The following NR1H4 variants were observed in gnomAD, a reference collection of about 807,000 sequenced individuals.
NR1H4 encodes nuclear receptor subfamily 1 group H member 4.
In NR1H4, 23 loss-of-function variants were observed where a neutral mutation model predicts 58.5. That is an observed-to-expected ratio of 0.39 (90% CI 0.28 to 0.56). The LOEUF is 0.56. Among genes scored for constraint, NR1H4 ranks in the 20% least tolerant of loss-of-function variants. NR1H4 has a pLI of 0.58. For missense variants in NR1H4, 487 were observed against 576.9 expected (o/e 0.84, Z 1.60); for synonymous variants, 214 against 198.0 (o/e 1.08, Z -0.68).
chr12:100,510,918 C>A lies in NR1H4; in HGVS notation c.220C>A (p.Pro74Thr), dbSNP rs1235836559. The A allele has an allele frequency of 3.1e-6, 5 of 1,614,046 alleles. No individual in the cohort carries two copies. The highest frequency in any genetic ancestry group is 4.2e-6 in the Non-Finnish European group (5 of 1,180,044). Residue 74 changes from proline to threonine, a missense_variant, in exon 4 of 11, where the codon CCC becomes ACC. Pro to Thr is a conservative substitution (Grantham distance 38, BLOSUM62 -1). Coordinates refer to ENST00000392986, the MANE Select transcript of NR1H4 (RefSeq NM_001206979.2). Reference protein sequence around the residue: ...SSYYSNLGFYPQQPEEWYSPG... With the variant: ...SSYYSNLGFYTQQPEEWYSPG... Reference sequence around the variant, plus strand: ...CTATTATTCCAACCTGGGTTTCTACCCCCAGCAGCCTGAAGAGTGGTACTC... The same window carrying A: ...CTATTATTCCAACCTGGGTTTCTACACCCAGCAGCCTGAAGAGTGGTACTC...
chr12:100,509,964 T>G (rs1014503586), intron 3 of NR1H4, among the ~76,000 whole-genome samples: 1 of 152,194 alleles, frequency 6.6e-6, no homozygotes, highest in Non-Finnish European at 1.5e-5. Context: ...AATACCGATG[T>G]GAATATACAC....
chr12:100,522,927 A>G (rs1307400127), intron 4 of NR1H4, among the ~76,000 whole-genome samples: 2 of 152,178 alleles, frequency 1.3e-5, no homozygotes, highest in African/African-American at 4.8e-5. Flanking sequence ...TGGTGTATAT[A>G]TACCACAGTT....
At chr12:100,486,587 C>T (rs1042502299) in intron 1 of NR1H4, among the ~76,000 whole-genome samples, 2 of 152,284 alleles carry the variant, frequency 1.3e-5, no homozygotes, top group African/African-American at 4.8e-5. Flanking sequence ...CCGTCTCAAA[C>T]TCCCAAAGAA....
In NR1H4 at chr12:100,534,948, T is replaced by C. The variant is rs1954780659; in HGVS notation, c.657T>C (p.His219=). 1 of 1,614,224 alleles carries C rather than the reference T, an allele frequency of 6.2e-7. No individual in the cohort carries two copies. Among genetic ancestry groups the C allele is most frequent in the Non-Finnish European group, 8.5e-7 (1 of 1,180,040 alleles). ...SKRLRKNVKQ[H]ADQTVNEDSE... ...GACTGAGAAAAAATGTGAAGCAGCA[T>C]GCAGATCAGACCGTGAATGAAGACA... The change falls in exon 6 of 11, where the codon CAT becomes CAC. Residue 219 remains histidine (H), a synonymous_variant. Coordinates refer to ENST00000392986, the MANE Select transcript of NR1H4 (RefSeq NM_001206979.2).
At chr12:100,545,311 A>G (rs541587713) in intron 9 of NR1H4, among the ~76,000 whole-genome samples, 38 of 152,110 alleles carry the variant, frequency 2.5e-4, no homozygotes, top group Middle Eastern at 6.8e-3. Flanking sequence ...AAAAAAGTTT[A>G]CAAGGCTACT....
intron 3 of NR1H4, among the ~76,000 whole-genome samples, chr12:100,494,232 T>C (rs541097681): frequency 2.0e-5 from 3 of 152,324 alleles, no homozygotes; most frequent in Non-Finnish European, 2.9e-5. Flanking sequence ...TGGTTGCTGA[T>C]ATTCCTAGGA....
At chr12:100,526,204 T>TTG in intron 4 of NR1H4, among the ~76,000 whole-genome samples, 1 of 151,832 alleles carries the variant, frequency 6.6e-6, no homozygotes. Context: ...TTTTTTTTTT[T>TTG]TGCTTATTTT....
chr12:100,532,378 G>A, intron 4 of NR1H4, 80 bp from the exon 5 acceptor site: 1 of 1,417,300 alleles, frequency 7.1e-7, no homozygotes, highest in East Asian at 2.3e-5. Context: ...AAAATGTCCT[G>A]GCATCTCTCA....
At chr12:100,515,297 G>A (rs752008175) in intron 4 of NR1H4, among the ~76,000 whole-genome samples, 16 of 148,840 alleles carry the variant, frequency 1.1e-4, no homozygotes, top group Non-Finnish European at 1.9e-4. Context: ...CAGCCTCCCC[G>A]AGTAGCTGGG....
Position 100,492,610 on chromosome 12 carries a change from T to A in NR1H4, c.-82T>A, listed in dbSNP as rs1233444637. The A allele has an allele frequency of 1.3e-5, 2 of 152,240 alleles. No homozygotes were observed. Among genetic ancestry groups the A allele is most frequent in the Non-Finnish European group, 2.9e-5 (2 of 68,056 alleles). The allele number at this position is 152,240 out of a possible 1,614,324, so 9.4% of individuals were successfully genotyped here. On this transcript the variant is annotated 5_prime_UTR_variant, in exon 2 of 11. Coordinates refer to ENST00000392986, the MANE Select transcript of NR1H4 (RefSeq NM_001206979.2). The stretch of plus-strand genomic sequence containing the variant: ...GTTTCCTGGATTTCTTCTGGACATT[T>A]CCTCAAGATGAAACTTCAGACACTT...
chr12:100,530,777 C>A (rs1482768187), intron 4 of NR1H4, among the ~76,000 whole-genome samples: 1 of 152,132 alleles, frequency 6.6e-6, no homozygotes, highest in Non-Finnish European at 1.5e-5. Flanking sequence ...AAAATGGTGT[C>A]CCCTCATGCC....
intron 4 of NR1H4, among the ~76,000 whole-genome samples, chr12:100,529,066 C>T (rs1200665183): frequency 1.3e-5 from 2 of 152,210 alleles, no homozygotes; most frequent in Non-Finnish European, 2.9e-5. Context: ...TCAATATCAA[C>T]ACTGATCTGC....
intron 9 of NR1H4, among the ~76,000 whole-genome samples, chr12:100,543,474 G>C (rs909523555): frequency 4.6e-5 from 7 of 151,992 alleles, no homozygotes; most frequent in Non-Finnish European, 7.4e-5. Context: ...AGAAGAGAAA[G>C]GATCTGGGAG....
intron 1 of NR1H4, among the ~76,000 whole-genome samples, chr12:100,480,358 G>A (rs181589088): frequency 4.9e-4 from 74 of 152,298 alleles, no homozygotes; most frequent in African/African-American, 1.7e-3. Context: ...TTGAGATGCC[G>A]TTTTTAAAGA....
At position 100,511,078 on chromosome 12, in the gene NR1H4, G is replaced by A. The variant is rs780437636; in HGVS notation, c.380G>A (p.Cys127Tyr). 6.2e-7 allele frequency: 1 copy of A among 1,614,272 alleles called. No homozygotes were observed. The change falls in exon 4 of 11, where the codon TGT becomes TAT. Residue 127 changes from cysteine to tyrosine, a missense_variant. Cys to Tyr is a radical substitution (Grantham distance 194, BLOSUM62 -2). Coordinates refer to ENST00000392986, the MANE Select transcript of NR1H4 (RefSeq NM_001206979.2). ...SAGRIKGDEL[C>Y]VVCGDRASGY... Reference sequence around the variant, plus strand: ...GGGAGGATCAAAGGGGATGAGCTGTGTGTTGTTTGTGGAGACAGAGCCTCT... The same window carrying A: ...GGGAGGATCAAAGGGGATGAGCTGTATGTTGTTTGTGGAGACAGAGCCTCT...
intron 3 of NR1H4, among the ~76,000 whole-genome samples, chr12:100,503,686 T>C (rs1467018962): frequency 6.6e-6 from 1 of 152,192 alleles, no homozygotes; most frequent in African/African-American, 2.4e-5. Context: ...GAATATCTTA[T>C]GGGGATGAAA....
intron 9 of NR1H4, among the ~76,000 whole-genome samples, chr12:100,550,655 C>T (rs971768846): frequency 4.6e-5 from 7 of 152,024 alleles, no homozygotes; most frequent in Admixed American, 2.6e-4. Context: ...TGTGAGCCAC[C>T]GCGCCTGGCC....
chr12:100,527,977 A>G (rs1049278344), intron 4 of NR1H4, among the ~76,000 whole-genome samples: 5 of 152,356 alleles, frequency 3.3e-5, no homozygotes, highest in East Asian at 1.9e-4. Context: ...CTGGCACAAA[A>G]TAAGTGCTGT....
rs1448185871 is a variant in NR1H4 at position 100,563,831 on chromosome 12, C to T, written c.*342C>T. On this transcript the variant is annotated 3_prime_UTR_variant, in exon 11 of 11. Transcript: ENST00000392986. ...ATATATTTTATTAAAGAGTTGTATT[C>T]AATCTTGGCAATAAAGCAAACATAA... The T allele has an allele frequency of 4.8e-6, 1 of 207,972 alleles. No individual in the cohort carries two copies. Among genetic ancestry groups the T allele is most frequent in the Admixed American group, 5.3e-5 (1 of 18,822 alleles). 12.9% of individuals were successfully genotyped at this position (207,972 alleles called of 1,614,324 possible).
Sources: allele counts gnomAD v4.1 joint callset (sites outside exome capture counted in the v4.1 genomes callset), GRCh38; gene constraint gnomAD v4.1.1; transcripts MANE v1.5; gene names NCBI Gene and HGNC (gene_info 2026-07-23, HGNC 2026-07-21).